Variants in MARCHF3 observed in about 807,000 individuals in gnomAD.
MARCHF3 encodes membrane associated ring-CH-type finger 3, also known as E3 ubiquitin-protein ligase MARCHF3.
MARCHF3 carries 13 observed loss-of-function variants against 24.2 expected under a neutral mutation model. The observed-to-expected ratio is 0.54, with a 90% CI of 0.35 to 0.85. The LOEUF (loss-of-function observed/expected upper bound fraction) is 0.85, where lower values mean the gene tolerates loss of function less well. Among genes scored for constraint, MARCHF3 ranks in the 40% least tolerant of loss-of-function variants. The pLI, the probability that MARCHF3 is intolerant of heterozygous loss-of-function variation, is 0.01. For synonymous variants in MARCHF3, 144 were observed against 137.3 expected (o/e 1.05, Z -0.34); for missense variants, 276 against 325.0 (o/e 0.85, Z 1.16).
intron 1 of MARCHF3, among the ~76,000 whole-genome samples, chr5:126,994,146 T>G (rs367793594): frequency 6.6e-6 from 1 of 152,228 alleles, no homozygotes; most frequent in African/African-American, 2.4e-5. Context: ...ATGGGTAAAC[T>G]GCACAGCCAC....
intron 3 of MARCHF3, among the ~76,000 whole-genome samples, chr5:126,880,655 C>A (rs1338464859): frequency 1.3e-5 from 2 of 152,166 alleles, no homozygotes; most frequent in Admixed American, 6.5e-5. Flanking sequence ...GGATCGAGAT[C>A]TCTACTCTTA....
intron 1 of MARCHF3, among the ~76,000 whole-genome samples, chr5:126,939,125 G>C (rs1749742876): frequency 6.6e-6 from 1 of 152,118 alleles, no homozygotes; most frequent in African/African-American, 2.4e-5. Flanking sequence ...TGTTAGCATT[G>C]ATTCTGCAAC....
intron 3 of MARCHF3, among the ~76,000 whole-genome samples, chr5:126,909,838 A>C (rs747846340): frequency 6.6e-6 from 1 of 152,076 alleles, no homozygotes. Context: ...CTTTAAAACC[A>C]TTGTCCTCCA....
At chr5:127,010,941 T>A (rs1752451315) in intron 1 of MARCHF3, among the ~76,000 whole-genome samples, 1 of 152,168 alleles carries the variant, frequency 6.6e-6, no homozygotes. Context: ...AGATGGATGG[T>A]GGTGATGGTT....
At chr5:126,978,051 C>T (rs1434322742) in intron 1 of MARCHF3, among the ~76,000 whole-genome samples, 1 of 152,110 alleles carries the variant, frequency 6.6e-6, no homozygotes, top group Non-Finnish European at 1.5e-5. Context: ...GCAGGTAGAG[C>T]CGAGGAAAGA....
chr5:127,001,838 G>T (rs1323951616), intron 1 of MARCHF3, among the ~76,000 whole-genome samples: 1 of 152,198 alleles, frequency 6.6e-6, no homozygotes, highest in Admixed American at 6.5e-5. Context: ...TTGAGTGCTG[G>T]CCACTGATAT....
At chr5:126,913,307 C>T (rs767607448) in intron 3 of MARCHF3, among the ~76,000 whole-genome samples, 49 of 152,244 alleles carry the variant, frequency 3.2e-4, no homozygotes, top group Non-Finnish European at 6.0e-4. Context: ...GACTTCCTCA[C>T]TGTGGGAAGC....
intron 4 of MARCHF3, among the ~76,000 whole-genome samples, chr5:126,873,089 T>G (rs768564775): frequency 7.2e-5 from 11 of 152,182 alleles, no homozygotes; most frequent in Admixed American, 1.3e-4. Context: ...TTTTCCATGA[T>G]GCTGAGAGCT....
At chr5:126,972,201 A>AG (rs1751039548) in intron 1 of MARCHF3, among the ~76,000 whole-genome samples, 1 of 151,282 alleles carries the variant, frequency 6.6e-6, no homozygotes, top group Admixed American at 6.6e-5. Context: ...TGGGATTTGC[A>AG]TTCTGTTTGG....
chr5:126,967,837 C>T (rs1750869340), intron 1 of MARCHF3, among the ~76,000 whole-genome samples: 2 of 152,178 alleles, frequency 1.3e-5, no homozygotes, highest in Admixed American at 1.3e-4. Flanking sequence ...TATAACACAT[C>T]ATAAAACTCA....
chr5:126,931,005 T>C (rs1749464573), intron 1 of MARCHF3, among the ~76,000 whole-genome samples: 2 of 152,218 alleles, frequency 1.3e-5, no homozygotes, highest in South Asian at 4.1e-4. Context: ...AAATGTGTAT[T>C]TTGGGAAATC....
intron 1 of MARCHF3, among the ~76,000 whole-genome samples, chr5:126,949,513 G>T (rs746986399): frequency 2.6e-5 from 4 of 152,150 alleles, no homozygotes; most frequent in Admixed American, 1.3e-4. Context: ...CTGGACCAGG[G>T]AGCTAGAACC....
chr5:126,915,143 GA>G lies in MARCHF3; in HGVS notation c.189-10del. 6.2e-7 allele frequency: 1 copy of G among 1,612,310 alleles called. No individual in the cohort carries two copies. The stretch of plus-strand genomic sequence containing the variant: ...GCCGGTCATTGAAGGGGCTGCAAGA[GA>G]AGGAGGGGCACCTGCTGGTCACTGG... On this transcript the variant is annotated splice_polypyrimidine_tract_variant and intron_variant, in intron 2 of 4. Coordinates refer to ENST00000308660, the MANE Select transcript of MARCHF3 (RefSeq NM_178450.5).
At chr5:127,004,800 G>A (rs1011423663) in intron 1 of MARCHF3, among the ~76,000 whole-genome samples, 4 of 152,022 alleles carry the variant, frequency 2.6e-5, no homozygotes. Context: ...GCCTTCATTG[G>A]TGCTCTTTGG....
rs370933116 is a variant in MARCHF3 at position 126,887,155 on chromosome 5, CA to C, written c.394-8762del. ...TGGCTCCCCATCACCCTTAGCCTAA[CA>C]CCTTACCATGGCCTACAAAGCCCTG... is the stretch of plus-strand genomic sequence containing the variant. On this transcript the variant is annotated intron_variant, in intron 3 of 4. Coordinates refer to ENST00000308660, the MANE Select transcript of MARCHF3 (RefSeq NM_178450.5). Among the ~76,000 whole-genome samples, 90 of 152,334 alleles carry C rather than the reference CA, an allele frequency of 5.9e-4. 1 individual carries two copies. In the East Asian group the frequency reaches 0.012, roughly 21 times the overall value.
chr5:126,944,228 A>G (rs1749933761), intron 1 of MARCHF3, among the ~76,000 whole-genome samples: 1 of 152,184 alleles, frequency 6.6e-6, no homozygotes, highest in Non-Finnish European at 1.5e-5. Flanking sequence ...AGGGGTGCAT[A>G]TAACATCATG....
At chr5:127,024,770 G>A (rs988128128) in intron 1 of MARCHF3, among the ~76,000 whole-genome samples, 1 of 152,104 alleles carries the variant, frequency 6.6e-6, no homozygotes, top group Non-Finnish European at 1.5e-5. Context: ...TGGCAGGGGT[G>A]GGGGAGTGTA....
At chr5:126,897,561 T>C (rs1026006437) in intron 3 of MARCHF3, among the ~76,000 whole-genome samples, 2 of 152,238 alleles carry the variant, frequency 1.3e-5, no homozygotes, top group African/African-American at 2.4e-5. Flanking sequence ...AGGGCTCTTA[T>C]TGAGCAAGAA....
chr5:126,935,496 A>T (rs1474609503), intron 1 of MARCHF3, among the ~76,000 whole-genome samples: 4 of 151,410 alleles, frequency 2.6e-5, no homozygotes, highest in Admixed American at 2.6e-4. Flanking sequence ...CTAGCTTGCT[A>T]GAGAAATAGA....
Sources: gnomAD v4.1 joint callset for allele counts (sites outside exome capture counted in the v4.1 genomes callset) on GRCh38, gnomAD v4.1.1 for gene constraint, MANE v1.5 for transcripts, NCBI Gene and HGNC (gene_info 2026-07-23, HGNC 2026-07-21) for gene names.